The following CDH12 variants were observed in gnomAD, a reference collection of about 807,000 sequenced individuals.
CDH12 encodes the protein cadherin 12.
Under a neutral mutation model 74.1 loss-of-function variants are expected in CDH12, and 41 were observed. The ratio of observed to expected loss-of-function variants is 0.55; its 90% CI spans 0.43 to 0.72. The LOEUF is 0.72. Among genes scored for constraint, CDH12 ranks in the 30% least tolerant of loss-of-function variants. CDH12 has a pLI of 0.00. For synonymous variants in CDH12, 399 were observed against 355.0 expected (o/e 1.12, Z -1.39); for missense variants, 945 against 977.2 (o/e 0.97, Z 0.44).
intron 1 of CDH12, among the ~76,000 whole-genome samples, chr5:22,674,960 T>C (rs1354828499): frequency 6.6e-6 from 1 of 152,082 alleles, no homozygotes; most frequent in Admixed American, 6.6e-5. Context: ...AGCATAAAAG[T>C]TTGGAAAATT....
intron 1 of CDH12, among the ~76,000 whole-genome samples, chr5:22,547,785 G>A (rs1738398936): frequency 6.6e-6 from 1 of 152,064 alleles, no homozygotes; most frequent in Non-Finnish European, 1.5e-5. Flanking sequence ...CGTATTAGGG[G>A]AATTTGTAGA....
chr5:22,487,691 C>CA (rs1407253444), intron 2 of CDH12, among the ~76,000 whole-genome samples: 2 of 151,980 alleles, frequency 1.3e-5, no homozygotes, highest in Admixed American at 6.6e-5. Flanking sequence ...TGACTAATGG[C>CA]AAAAAAATCA....
intron 11 of CDH12, among the ~76,000 whole-genome samples, chr5:21,771,391 TTTAAATGGCACA>T (rs985641395): frequency 6.6e-6 from 1 of 152,146 alleles, no homozygotes; most frequent in African/African-American, 2.4e-5. Flanking sequence ...TTCAGTTATG[TTTAAATGGCACA>T]TTAAATTATA....
rs1033253427 is a variant in CDH12, at chr5:22,267,573, C to T, written c.-332-54930G>A. Among the ~76,000 whole-genome samples, 3 of 152,240 alleles carry T rather than the reference C, an allele frequency of 2.0e-5. No individual in the cohort carries two copies. The South Asian group carries it at 6.2e-4, about 32-fold the overall frequency. On this transcript the variant is annotated intron_variant, in intron 3 of 14. Transcript: ENST00000382254. ...CCTCAGCTGTATTCAAAGGTATGTA[C>T]TTCTGGAAAGTCCATGAACTGATTC...
chr5:22,043,507 A>G (rs929993185), intron 5 of CDH12, among the ~76,000 whole-genome samples: 19 of 152,256 alleles, frequency 1.2e-4, no homozygotes, highest in Middle Eastern at 3.4e-3. Context: ...CAGGGAAAGA[A>G]AGTTTTTCCA....
At chr5:22,032,803 A>T (rs1168575715) in intron 5 of CDH12, among the ~76,000 whole-genome samples, 1 of 148,254 alleles carries the variant, frequency 6.7e-6, no homozygotes, top group African/African-American at 2.5e-5. Context: ...ATATATATAT[A>T]GTGTGTATAT....
At chr5:21,998,357 T>G (rs1207461896) in intron 5 of CDH12, among the ~76,000 whole-genome samples, 1 of 152,078 alleles carries the variant, frequency 6.6e-6, no homozygotes. Flanking sequence ...AATATATATA[T>G]ACATTTGCAC....
intron 1 of CDH12, among the ~76,000 whole-genome samples, chr5:22,649,784 G>A (rs1211891927): frequency 1.3e-4 from 20 of 151,748 alleles, no homozygotes; most frequent in Admixed American, 1.1e-3. Flanking sequence ...ATCTAAAGGG[G>A]AATCATATGA....
chr5:22,544,239 G>A (rs1738222454), intron 1 of CDH12, among the ~76,000 whole-genome samples: 1 of 151,894 alleles, frequency 6.6e-6, no homozygotes. Flanking sequence ...ATTAGACCAT[G>A]TTCACACATG....
chr5:22,333,939 C>T (rs552992603), intron 3 of CDH12, among the ~76,000 whole-genome samples: 93 of 152,204 alleles, frequency 6.1e-4, no homozygotes, highest in African/African-American at 2.2e-3. Flanking sequence ...CCTGTAATGA[C>T]AAAAACCCTT....
At chr5:21,939,744 C>T (rs2150088818) in intron 6 of CDH12, among the ~76,000 whole-genome samples, 1 of 152,198 alleles carries the variant, frequency 6.6e-6, no homozygotes, top group East Asian at 1.9e-4. Context: ...ACTCTGAAAA[C>T]CTGAATAGGT....
intron 4 of CDH12, among the ~76,000 whole-genome samples, chr5:22,205,082 G>A (rs1476739601): frequency 6.6e-6 from 1 of 152,316 alleles, no homozygotes; most frequent in East Asian, 1.9e-4. Flanking sequence ...ATGGACAAAT[G>A]TCAATGAACA....
At chr5:21,803,099 C>G (rs1010167438) in intron 9 of CDH12, among the ~76,000 whole-genome samples, 3 of 151,574 alleles carry the variant, frequency 2.0e-5, no homozygotes, top group Admixed American at 6.6e-5. Flanking sequence ...TGGAACAAAG[C>G]AATGATAAAC....
At chr5:22,803,588 G>A (rs1748641240) in intron 1 of CDH12, among the ~76,000 whole-genome samples, 1 of 152,080 alleles carries the variant, frequency 6.6e-6, no homozygotes, top group African/African-American at 2.4e-5. Context: ...CCTGACATCT[G>A]GTCAAACGGA....
At chr5:22,675,725 C>T (rs1741134344) in intron 1 of CDH12, among the ~76,000 whole-genome samples, 1 of 151,872 alleles carries the variant, frequency 6.6e-6, no homozygotes, top group Non-Finnish European at 1.5e-5. Context: ...ATTGTGGAGC[C>T]TCCCCAGCCA....
Position 22,133,104 on chromosome 5 carries a change from G to A in CDH12, c.-186-54242C>T, listed in dbSNP as rs553106636. ...AATTTAACATAAAGAGTTAAAGATT[G>A]ATAATAAATAAAATTGTTTTTCAGA... On this transcript the variant is annotated intron_variant, in intron 4 of 14. Coordinates refer to ENST00000382254, the MANE Select transcript of CDH12 (RefSeq NM_004061.5). 4.6e-5 allele frequency among the ~76,000 whole-genome samples: 7 copies of A among 152,166 alleles called. No homozygotes were observed. In the South Asian group the frequency reaches 1.5e-3, roughly 32 times the overall value.
chr5:22,757,134 C>T (rs570988310), intron 1 of CDH12, among the ~76,000 whole-genome samples: 3 of 152,152 alleles, frequency 2.0e-5, no homozygotes, highest in African/African-American at 7.2e-5. Flanking sequence ...TCTTCTTTTC[C>T]TTGTTTAATA....
At chr5:21,845,596 GC>G (rs1197707269) in intron 7 of CDH12, among the ~76,000 whole-genome samples, 6 of 146,708 alleles carry the variant, frequency 4.1e-5, no homozygotes, top group African/African-American at 1.5e-4. Flanking sequence ...CTGACCCACA[GC>G]ATGGCTTCAG....
intron 1 of CDH12, among the ~76,000 whole-genome samples, chr5:22,812,949 G>A (rs1050864251): frequency 2.6e-5 from 4 of 152,122 alleles, no homozygotes; most frequent in African/African-American, 9.7e-5. Flanking sequence ...AATGATCGCT[G>A]AGATCAAGGA....
Sources: allele counts gnomAD v4.1 joint callset (sites outside exome capture counted in the v4.1 genomes callset), GRCh38; gene constraint gnomAD v4.1.1; transcripts MANE v1.5; gene names NCBI Gene and HGNC (gene_info 2026-07-23, HGNC 2026-07-21).